NAALADL2: variants seen among roughly 807,000 people sequenced by gnomAD.
NAALADL2 encodes inactive N-acetylated-alpha-linked acidic dipeptidase-like protein 2.
In NAALADL2, 76 loss-of-function variants were observed where a neutral mutation model predicts 87.2. That is an observed-to-expected ratio of 0.87 (90% CI 0.72 to 1.05). The LOEUF is 1.05. NAALADL2 is among the 50% of genes least tolerant of loss of function. The pLI, the probability that NAALADL2 is intolerant of heterozygous loss-of-function variation, is 0.00. For synonymous variants in NAALADL2, 354 were observed against 331.0 expected, an observed-to-expected ratio of 1.07 and a Z score of -0.75; for missense variants, 1,089 against 945.8, an observed-to-expected ratio of 1.15 and a Z score of -1.99.
chr3:175,323,497 A>T (rs541232778), intron 4 of NAALADL2, among the ~76,000 whole-genome samples: 37 of 152,228 alleles, frequency 2.4e-4, no homozygotes, highest in African/African-American at 5.5e-4. Flanking sequence ...ATAATAATAA[A>T]AAAAAGAACC....
At chr3:175,468,169 T>C (rs1380514800) in intron 8 of NAALADL2, among the ~76,000 whole-genome samples, 1 of 152,160 alleles carries the variant, frequency 6.6e-6, no homozygotes, top group East Asian at 1.9e-4. Context: ...AGCAAGTATC[T>C]TTTTTAATTT....
chr3:175,042,351 G>T (rs2108975482), intron 1 of NAALADL2, among the ~76,000 whole-genome samples: 1 of 152,146 alleles, frequency 6.6e-6, no homozygotes, highest in East Asian at 1.9e-4. Context: ...GCTCATCAAT[G>T]AACATTTAGG....
intron 1 of NAALADL2, chr3:175,059,953 T>G: frequency 2.3e-6 from 1 of 432,780 alleles, no homozygotes; most frequent in South Asian, 1.9e-5. Flanking sequence ...CACATAACCT[T>G]CGATGTAGCT....
chr3:174,571,315 A>G (rs1217942454), intron 2 of NAALADL2, among the ~76,000 whole-genome samples: 2 of 152,148 alleles, frequency 1.3e-5, no homozygotes, highest in African/African-American at 4.8e-5. Flanking sequence ...TAATAGCAAA[A>G]CAGGGCAATG....
At chr3:175,370,753 A>G (rs1351321889) in intron 5 of NAALADL2, among the ~76,000 whole-genome samples, 1 of 152,166 alleles carries the variant, frequency 6.6e-6, no homozygotes, top group Non-Finnish European at 1.5e-5. Context: ...CTACCTTATT[A>G]CAAAAGACAT....
At chr3:175,742,523 G>C (rs965397047) in intron 12 of NAALADL2, among the ~76,000 whole-genome samples, 1 of 148,396 alleles carries the variant, frequency 6.7e-6, no homozygotes, top group East Asian at 2.0e-4. Flanking sequence ...TCAGCCTCCC[G>C]AGTAGCTGGG....
intron 1 of NAALADL2, among the ~76,000 whole-genome samples, 185 bp from the exon 2 acceptor site, chr3:175,096,605 C>T (rs1380416219): frequency 1.3e-5 from 2 of 150,532 alleles, no homozygotes; most frequent in African/African-American, 4.9e-5. Flanking sequence ...TCTTCCTTTC[C>T]TATGGTAACA....
rs540349853 is a variant in NAALADL2, at chr3:175,394,614, AGTTGT to A, written c.1091-52611_1091-52607del. The stretch of plus-strand genomic sequence containing the variant: ...TTTAGACACAAATCTGTAAACTGAC[AGTTGT>A]GTTTTTTATGTTTTTGATAACCTCC... On this transcript the variant is annotated intron_variant, in intron 5 of 13. Transcript: ENST00000454872. Among the ~76,000 whole-genome samples, 515 of 152,314 alleles carry A rather than the reference AGTTGT, an allele frequency of 3.4e-3. 1 individual carries two copies. The highest frequency in any genetic ancestry group is 0.01 in the African/African-American group (426 of 41,570).
intron 5 of NAALADL2, among the ~76,000 whole-genome samples, chr3:175,426,736 G>A (rs1032703981): frequency 7.9e-5 from 12 of 151,522 alleles, no homozygotes; most frequent in Admixed American, 1.3e-4. Flanking sequence ...TATTTTTGCC[G>A]CCAAACAGCA....
At chr3:175,592,647 T>C (rs9813349) in intron 10 of NAALADL2, among the ~76,000 whole-genome samples, 113,990 of 150,700 alleles carry the variant, frequency 0.76, 43,171 homozygotes, top group East Asian at 0.88. Context: ...GAACAAAAAA[T>C]CAAACACTGC....
At chr3:175,653,571 C>T (rs928560156) in intron 11 of NAALADL2, among the ~76,000 whole-genome samples, 2 of 152,132 alleles carry the variant, frequency 1.3e-5, no homozygotes, top group Non-Finnish European at 2.9e-5. Context: ...CTCCCCCAGC[C>T]CCCACCACCT....
Position 175,806,640 on chromosome 3 carries a change from G to T in NAALADL2, c.*3437G>T, listed in dbSNP as rs1224028485. The stretch of plus-strand genomic sequence containing the variant: ...AACAATTCAGTTGCAGCTTATATTT[G>T]TGCCTGCTACATCCCAGGCACTGGT... On this transcript the variant is annotated 3_prime_UTR_variant, in exon 14 of 14. Transcript: ENST00000454872. The T allele has an allele frequency of 2.7e-5, 4 of 148,274 alleles. No individual in the cohort carries two copies. Among genetic ancestry groups the T allele is most frequent in the African/African-American group, 9.9e-5 (4 of 40,380 alleles). 9.2% of individuals were successfully genotyped at this position (148,274 alleles called of 1,614,324 possible).
chr3:175,302,038 T>C (rs760921707), intron 4 of NAALADL2, among the ~76,000 whole-genome samples: 1 of 146,718 alleles, frequency 6.8e-6, no homozygotes, highest in African/African-American at 2.6e-5. Flanking sequence ...ATCATGGTGA[T>C]GCAGAAAGCA....
intron 4 of NAALADL2, among the ~76,000 whole-genome samples, chr3:175,279,648 A>G (rs779404305): frequency 2.0e-5 from 3 of 152,120 alleles, no homozygotes; most frequent in Non-Finnish European, 2.9e-5. Flanking sequence ...TAGATATTAC[A>G]TACTATTTTA....
intron 9 of NAALADL2, among the ~76,000 whole-genome samples, chr3:175,566,654 A>T (rs1470341733): frequency 6.6e-6 from 1 of 152,104 alleles, no homozygotes; most frequent in Non-Finnish European, 1.5e-5. Flanking sequence ...CAAACTTGAC[A>T]AGGTTTTTGG....
intron 5 of NAALADL2, among the ~76,000 whole-genome samples, chr3:175,412,953 C>A (rs1317323735): frequency 1.5e-5 from 2 of 136,408 alleles, no homozygotes; most frequent in Non-Finnish European, 3.2e-5. Flanking sequence ...CTCCCTCTGT[C>A]TGTCGCCTAG....
At chr3:175,061,759 A>G (rs1281762359) in intron 1 of NAALADL2, among the ~76,000 whole-genome samples, 4 of 149,234 alleles carry the variant, frequency 2.7e-5, no homozygotes, top group Non-Finnish European at 4.5e-5. Flanking sequence ...ATATAGTTTT[A>G]TACACCACAA....
chr3:174,903,604 A>T (rs986092854), intron 1 of NAALADL2, among the ~76,000 whole-genome samples: 1 of 151,972 alleles, frequency 6.6e-6, no homozygotes, highest in African/African-American at 2.4e-5. Context: ...AAGTTACATA[A>T]TTACAATATT....
At chr3:175,036,826 G>A (rs1199289708) in intron 1 of NAALADL2, among the ~76,000 whole-genome samples, 1 of 71,826 alleles carries the variant, frequency 1.4e-5, no homozygotes. Flanking sequence ...TTTTTTTTTA[G>A]CGTTCCTATA....
Sources: allele counts gnomAD v4.1 joint callset (sites outside exome capture counted in the v4.1 genomes callset), GRCh38; gene constraint gnomAD v4.1.1; transcripts MANE v1.5; gene names NCBI Gene and HGNC (gene_info 2026-07-23, HGNC 2026-07-21).